PIEZO1: variants seen among roughly 807,000 people sequenced by gnomAD.
The protein encoded by PIEZO1 is piezo-type mechanosensitive ion channel component 1.
In PIEZO1, 296 loss-of-function variants were observed where a neutral mutation model predicts 297.2. The ratio of observed to expected loss-of-function variants is 1.00; its 90% confidence interval spans 0.91 to 1.10. The LOEUF (loss-of-function observed/expected upper bound fraction) is 1.10. Ranked by LOEUF, PIEZO1 falls within the 50% of genes least tolerant of loss-of-function variation. The pLI is 0.00. For missense variants in PIEZO1, 5,018 were observed against 3,455.5 expected, an observed-to-expected ratio of 1.45 and a Z score of -11.34; for synonymous variants, 2,427 against 1,507.5, an observed-to-expected ratio of 1.61 and a Z score of -14.13.
intron 1 of PIEZO1, among the ~76,000 whole-genome samples, chr16:88,751,352 G>T (rs1347128108): frequency 6.6e-6 from 1 of 152,218 alleles, no homozygotes; most frequent in Admixed American, 6.5e-5. Flanking sequence ...AAAGGGTCAG[G>T]GGCACACGGC....
rs1567670971 is a variant in PIEZO1 at position 88,732,745 on chromosome 16, C to T, written c.2665-13G>A. 1 of 1,536,434 alleles carries T rather than the reference C, an allele frequency of 6.5e-7. No individual in the cohort carries two copies. The highest frequency in any genetic ancestry group is 8.8e-7 in the Non-Finnish European group (1 of 1,138,772). ...TGTTGGGGAAGGGCTGGCAAGAGGC[C>T]AGGCATCAGTGCCCCCTCCCAGGCC... is the stretch of plus-strand genomic sequence containing the variant. On this transcript the variant is annotated splice_polypyrimidine_tract_variant and intron_variant, in intron 19 of 50. Coordinates refer to ENST00000301015, the MANE Select transcript of PIEZO1 (RefSeq NM_001142864.4).
intron 2 of PIEZO1, among the ~76,000 whole-genome samples, chr16:88,746,844 A>G (rs1460466370): frequency 1.3e-5 from 2 of 152,144 alleles, no homozygotes; most frequent in African/African-American, 2.4e-5. Flanking sequence ...GGCATGAAAT[A>G]TTTACGGAAC....
chr16:88,737,518 C>CA (rs768343243), intron 10 of PIEZO1, 41 bp downstream of exon 10: 15 of 1,298,264 alleles, frequency 1.2e-5, no homozygotes, highest in African/African-American at 2.1e-5. Context: ...CTCCGCCCCG[C>CA]CCCCCGCACC....
At chr16:88,782,441 G>A (rs142230706) in intron 1 of PIEZO1, among the ~76,000 whole-genome samples, 2 of 152,250 alleles carry the variant, frequency 1.3e-5, no homozygotes, top group African/African-American at 4.8e-5. Context: ...GAAGAGATGG[G>A]CCCTGATCCC....
chr16:88,715,884 C>T (rs551618263), intron 50 of PIEZO1, 30 bp from the exon 51 acceptor site: 96 of 1,545,776 alleles, frequency 6.2e-5, no homozygotes, highest in African/African-American at 4.7e-4. Context: ...GTCCTGGGGC[C>T]GCCCGGAGCC....
chr16:88,772,596 T>C (rs1312527070), intron 1 of PIEZO1, among the ~76,000 whole-genome samples: 3 of 151,956 alleles, frequency 2.0e-5, no homozygotes, highest in Admixed American at 1.3e-4. Flanking sequence ...CTGGACAACA[T>C]GGTAAAACCC....
intron 1 of PIEZO1, among the ~76,000 whole-genome samples, chr16:88,759,621 C>G (rs1017085546): frequency 7.2e-5 from 11 of 152,210 alleles, no homozygotes; most frequent in Admixed American, 5.9e-4. Flanking sequence ...TGCAAGGGAG[C>G]CTGCTGGGCC....
intron 45 of PIEZO1, 33 bp from the exon 46 acceptor site, chr16:88,716,931 G>A (rs1418012715): frequency 7.1e-6 from 11 of 1,547,000 alleles, no homozygotes; most frequent in Non-Finnish European, 9.6e-6. Flanking sequence ...GGGCCACGAA[G>A]ATGAGCGTGG....
In PIEZO1 at chr16:88,738,575, T is replaced by C. The variant is rs140142474; in HGVS notation, c.627A>G (p.Ala209=). The stretch of plus-strand genomic sequence containing the variant: ...CCCTGCCTCGGTGCGTACCTGCCAG[T>C]GCAAGCAGTGTTACGGCCAGGACCC... ...AGRVLAVTLL[A]LAGIAHPSAL... Residue 209 remains alanine (A), a synonymous_variant, in exon 6 of 51, where the codon GCA becomes GCG. Coordinates refer to ENST00000301015, the MANE Select transcript of PIEZO1 (RefSeq NM_001142864.4). 4.9e-3 allele frequency: 7,552 copies of C among 1,535,126 alleles called. 33 individuals carry two copies. The highest frequency in any genetic ancestry group is 6.3e-3 in the South Asian group (533 of 84,002).
At chr16:88,740,438 G>C (rs1020786721) in intron 5 of PIEZO1, 1 of 152,316 alleles carries the variant, frequency 6.6e-6, no homozygotes, top group African/African-American at 2.4e-5. Context: ...CATCAGCATG[G>C]AGGGGCTGAC....
At chr16:88,737,086 A>C (rs918746567) in intron 10 of PIEZO1, 4 of 243,466 alleles carry the variant, frequency 1.6e-5, no homozygotes, top group Non-Finnish European at 3.2e-5. Flanking sequence ...AAAATGGAAA[A>C]TCAAGGGTTA....
At chr16:88,769,505 C>T (rs183469839) in intron 1 of PIEZO1, among the ~76,000 whole-genome samples, 98 of 152,344 alleles carry the variant, frequency 6.4e-4, no homozygotes, top group African/African-American at 2.3e-3. Flanking sequence ...GACAGACCTG[C>T]GGAACGCCTC....
rs868163979 is a variant in PIEZO1, at chr16:88,777,301, G to A, written c.64+7600C>T. On this transcript the variant is annotated intron_variant, in intron 1 of 50. Transcript: ENST00000301015. The stretch of plus-strand genomic sequence containing the variant: ...GCTCTTTTAGGAAAAGCACAAGGGC[G>A]TGCACCCACCAAGGAGGGAGAAAGC... Among the ~76,000 whole-genome samples, 20 of 152,350 alleles carry A rather than the reference G, an allele frequency of 1.3e-4. No homozygotes were observed. The Middle Eastern group carries it at 0.01, about 78-fold the overall frequency.
At chr16:88,728,384 A>G (rs1490186959) in intron 22 of PIEZO1, among the ~76,000 whole-genome samples, 1 of 152,164 alleles carries the variant, frequency 6.6e-6, no homozygotes. Context: ...TCGCGACACA[A>G]AAACAAAGTG....
intron 19 of PIEZO1, 135 bp from the exon 20 acceptor site, chr16:88,732,867 G>T: frequency 2.3e-6 from 2 of 883,778 alleles, no homozygotes; most frequent in Non-Finnish European, 3.4e-6. Context: ...GCCAGCCTTG[G>T]AGCCACCTTC....
intron 1 of PIEZO1, among the ~76,000 whole-genome samples, chr16:88,779,860 G>A (rs371174319): frequency 7.4e-4 from 112 of 152,352 alleles, no homozygotes; most frequent in Middle Eastern, 6.8e-3. Flanking sequence ...CCTGTGTTGC[G>A]GGTCTCCTGG....
intron 22 of PIEZO1, 29 bp from the exon 23 acceptor site, chr16:88,727,690 G>C: frequency 1.7e-6 from 2 of 1,208,520 alleles, no homozygotes; most frequent in South Asian, 1.7e-5. Context: ...TGTCAGGAAG[G>C]GCCGGGCCTG....
chr16:88,726,817 G>T lies in PIEZO1; in HGVS notation c.3597C>A (p.Phe1199Leu). 6.5e-7 allele frequency: 1 copy of T among 1,550,318 alleles called. No individual in the cohort carries two copies. The highest frequency in any genetic ancestry group is 8.7e-7 in the Non-Finnish European group (1 of 1,146,936). Residue 1199 changes from phenylalanine (F) to leucine (L), a missense_variant, in exon 25 of 51, where the codon TTC becomes TTA. Coordinates refer to ENST00000301015, the MANE Select transcript of PIEZO1 (RefSeq NM_001142864.4). ...YLLACFYLLL[F>L]GTALLQRDTR... Reference sequence around the variant, plus strand: ...TGTCCCTCTGCAGCAGGGCCGTGCCGAAGAGCAGCAGGTAGAAGCAGGCCA... The same window carrying T: ...TGTCCCTCTGCAGCAGGGCCGTGCCTAAGAGCAGCAGGTAGAAGCAGGCCA...
At chr16:88,775,560 C>G (rs184533183) in intron 1 of PIEZO1, among the ~76,000 whole-genome samples, 202 of 152,170 alleles carry the variant, frequency 1.3e-3, no homozygotes, top group Non-Finnish European at 2.3e-3. Context: ...GAAACTCCAT[C>G]TCCACTAACA....
Sources: gnomAD v4.1 joint callset for allele counts (sites outside exome capture counted in the v4.1 genomes callset) on GRCh38, gnomAD v4.1.1 for gene constraint, MANE v1.5 for transcripts, NCBI Gene and HGNC (gene_info 2026-07-23, HGNC 2026-07-21) for gene names.